Variants in TGM5 observed in about 807,000 individuals in gnomAD.
TGM5 encodes protein-glutamine gamma-glutamyltransferase 5.
In TGM5, 69 loss-of-function variants were observed where a neutral mutation model predicts 77.2. The ratio of observed to expected loss-of-function variants is 0.89; its 90% CI spans 0.74 to 1.09. The LOEUF (loss-of-function observed/expected upper bound fraction) is 1.09. Among genes scored for constraint, TGM5 ranks in the 50% least tolerant of loss-of-function variants. TGM5 has a pLI of 0.00. For missense variants in TGM5, 842 were observed against 896.5 expected, an observed-to-expected ratio of 0.94 and a Z score of 0.78; for synonymous variants, 346 against 351.8, an observed-to-expected ratio of 0.98 and a Z score of 0.18.
At chr15:43,262,837 TG>T (rs773514395) in intron 1 of TGM5, among the ~76,000 whole-genome samples, 1 of 152,222 alleles carries the variant, frequency 6.6e-6, no homozygotes, top group Non-Finnish European at 1.5e-5. Flanking sequence ...GAATGTCTCC[TG>T]TTGTCACATC....
At chr15:43,263,646 T>C (rs557498394) in intron 1 of TGM5, among the ~76,000 whole-genome samples, 3 of 152,118 alleles carry the variant, frequency 2.0e-5, no homozygotes, top group Non-Finnish European at 4.4e-5. Flanking sequence ...ACTCACACCA[T>C]TTATTAAAAA....
chr15:43,239,360 G>C, intron 7 of TGM5, 94 bp from the exon 8 acceptor site: 1 of 1,300,968 alleles, frequency 7.7e-7, no homozygotes, highest in Non-Finnish European at 1.1e-6. Flanking sequence ...TGGATAGAAA[G>C]ACAGACTTAG....
chr15:43,256,679 A>G lies in TGM5; in HGVS notation c.444T>C (p.Ala148=), dbSNP rs756106949. 1.2e-6 allele frequency: 2 copies of G among 1,611,572 alleles called. No homozygotes were observed. Among genetic ancestry groups the G allele is most frequent in the Non-Finnish European group, 1.7e-6 (2 of 1,177,720 alleles). ...TCTGGGGTTCACTGTCCAAGTAGACAGCATCCTCTAGGAACCAGAGTGGGA... is the reference window on the plus strand; with the variant it reads ...TCTGGGGTTCACTGTCCAAGTAGACGGCATCCTCTAGGAACCAGAGTGGGA... ...LLFNPWCPED[A]VYLDSEPQRQ... is the part of the protein sequence containing the mutation. Residue 148 remains alanine (A), a synonymous_variant, in exon 4 of 13, where the codon GCT becomes GCC. Coordinates refer to ENST00000220420, the MANE Select transcript of TGM5 (RefSeq NM_201631.4).
At chr15:43,253,070 A>G in intron 5 of TGM5, 134 bp from the exon 6 acceptor site, 1 of 969,032 alleles carries the variant, frequency 1.0e-6, no homozygotes, top group East Asian at 2.6e-5. Context: ...GTGGACTTCC[A>G]GACCTGCTGG....
intron 6 of TGM5, among the ~76,000 whole-genome samples, chr15:43,251,631 G>A (rs1039641867): frequency 1.3e-5 from 2 of 152,152 alleles, no homozygotes; most frequent in East Asian, 1.9e-4. Context: ...ATCAGAATGC[G>A]CAAGCCAAGA....
At chr15:43,263,380 G>A (rs1168544967) in intron 1 of TGM5, among the ~76,000 whole-genome samples, 2 of 152,210 alleles carry the variant, frequency 1.3e-5, no homozygotes, top group Non-Finnish European at 2.9e-5. Context: ...ATCCATACTA[G>A]CCAAACAGTA....
intron 6 of TGM5, among the ~76,000 whole-genome samples, chr15:43,241,851 G>A (rs1404396204): frequency 6.6e-6 from 1 of 151,890 alleles, no homozygotes; most frequent in Non-Finnish European, 1.5e-5. Flanking sequence ...TGTTGGCCAG[G>A]CTGGTCTCGA....
chr15:43,255,517 G>A (rs894448733), intron 4 of TGM5, among the ~76,000 whole-genome samples: 1 of 152,168 alleles, frequency 6.6e-6, no homozygotes, highest in Non-Finnish European at 1.5e-5. Flanking sequence ...GGGGCCAGTT[G>A]AGGCCGCTAT....
At chr15:43,262,361 G>A (rs2042795362) in intron 1 of TGM5, among the ~76,000 whole-genome samples, 1 of 152,176 alleles carries the variant, frequency 6.6e-6, no homozygotes, top group Non-Finnish European at 1.5e-5. Flanking sequence ...TTTGCCTCTA[G>A]ATATAAGCCA....
In TGM5 at chr15:43,234,795, A is replaced by C. The variant is rs1267417116; in HGVS notation, c.1849T>G (p.Leu617Val). The C allele has an allele frequency of 6.2e-7, 1 of 1,614,220 alleles. No individual in the cohort carries two copies. Among genetic ancestry groups the C allele is most frequent in the African/African-American group, 1.3e-5 (1 of 75,046 alleles). Residue 617 changes from leucine (L) to valine (V), a missense_variant, in exon 11 of 13, where the codon TTA (leucine) becomes GTA (valine). Physicochemically the swap from Leu to Val is conservative, Grantham distance 32 (BLOSUM62 1). This residue lies in a region of TGM5 where 815 missense variants were observed against 844.6 expected (regional missense o/e 0.96). Transcript: ENST00000220420. ...EKILVNKIIT[L>V]SYPSITINVL... ...TTAATCGTGATGCTTGGATAAGATA[A>C]GGTGATGATCTTGTTCACCAGGATT...
Position 43,239,047 on chromosome 15 carries a change from C to G in TGM5, c.1115G>C (p.Cys372Ser). 6.2e-7 allele frequency: 1 copy of G among 1,614,044 alleles called. No individual in the cohort carries two copies. The change falls in exon 9 of 13, where the codon TGC becomes TCC. Residue 372 changes from cysteine (C) to serine (S), a missense_variant. Coordinates refer to ENST00000220420, the MANE Select transcript of TGM5 (RefSeq NM_201631.4). ...TPQEMSNGVYCCGPASVRAIK... is the reference protein window; with the variant it reads ...TPQEMSNGVYSCGPASVRAIK... ...GGCTCTGACAGAGGCAGGGCCACAGCAGTAGACGCCTGAAGGAGAACAGGG... is the reference window on the plus strand; with the variant it reads ...GGCTCTGACAGAGGCAGGGCCACAGGAGTAGACGCCTGAAGGAGAACAGGG...
intron 3 of TGM5, among the ~76,000 whole-genome samples, chr15:43,258,597 T>C (rs964328794): frequency 2.0e-4 from 30 of 152,168 alleles, no homozygotes; most frequent in African/African-American, 7.2e-4. Flanking sequence ...TATTGAGGGT[T>C]TGGGCCAGTG....
At chr15:43,241,800 AT>A (rs576466713) in intron 6 of TGM5, among the ~76,000 whole-genome samples, 35 of 146,624 alleles carry the variant, frequency 2.4e-4, no homozygotes, top group South Asian at 6.5e-4. Context: ...CACCCGGCTA[AT>A]TTTTTTTTTT....
At chr15:43,242,657 G>T (rs1566830898) in intron 6 of TGM5, among the ~76,000 whole-genome samples, 1 of 152,228 alleles carries the variant, frequency 6.6e-6, no homozygotes, top group Admixed American at 6.5e-5. Flanking sequence ...GTGGGGACAG[G>T]CCTCTGGATG....
chr15:43,248,399 C>T (rs967015138), intron 6 of TGM5, among the ~76,000 whole-genome samples: 1 of 152,156 alleles, frequency 6.6e-6, no homozygotes, highest in African/African-American at 2.4e-5. Context: ...GTCTCGATCT[C>T]CTGACCTGGT....
Position 43,233,075 on chromosome 15 carries a change from C to T in TGM5, c.*116G>A, listed in dbSNP as rs2042557887. ...AATGAACACGTCATCCCCTCTGTGG[C>T]TCTTGCTGGAGCCCTGTGAAGCCTC... On this transcript the variant is annotated 3_prime_UTR_variant, in exon 13 of 13. Transcript: ENST00000220420. The T allele has an allele frequency of 3.9e-6, 5 of 1,297,238 alleles. No homozygotes were observed. Among genetic ancestry groups the T allele is most frequent in the Non-Finnish European group, 5.4e-6 (5 of 925,418 alleles). The allele number at this position is 1,297,238 out of a possible 1,614,324, so 80.4% of individuals were successfully genotyped here. A position where few individuals can be genotyped will look rare whatever the true frequency, so the allele number is the denominator to read the frequency against.
intron 6 of TGM5, among the ~76,000 whole-genome samples, chr15:43,250,289 C>G (rs537115009): frequency 6.6e-6 from 1 of 152,332 alleles, no homozygotes; most frequent in East Asian, 1.9e-4. Context: ...AGGCACTATT[C>G]TAAGCACTCT....
chr15:43,259,801 G>A (rs1023371390), intron 3 of TGM5, among the ~76,000 whole-genome samples: 2 of 152,112 alleles, frequency 1.3e-5, no homozygotes, highest in African/African-American at 4.8e-5. Context: ...TGTTATTCAC[G>A]ATCAAACTTA....
rs373144727 is a variant in TGM5, at chr15:43,240,934, C to T, written c.919G>A (p.Asp307Asn). 84 of 1,614,056 alleles carry T rather than the reference C, an allele frequency of 5.2e-5. No individual in the cohort carries two copies. The highest frequency in any genetic ancestry group is 6.7e-5 in the East Asian group (3 of 44,888). The change falls in exon 7 of 13, where the codon GAT becomes AAT. Residue 307 changes from aspartate (D) to asparagine (N), a missense_variant. Around this residue, in one of 2 missense-constraint regions of TGM5, gnomAD observed 815 missense variants for 844.6 expected, o/e 0.96. Coordinates refer to ENST00000220420, the MANE Select transcript of TGM5 (RefSeq NM_201631.4). The part of the protein sequence containing the change: ...RVITNFDSGH[D>N]TDGNLIIDEY... The stretch of plus-strand genomic sequence containing the variant: ...TCTATGATCAGGTTTCCATCTGTAT[C>T]GTGGCCAGAGTCGAAGTTGGTGATC...
Sources: allele counts gnomAD v4.1 joint callset (sites outside exome capture counted in the v4.1 genomes callset), GRCh38; gene constraint gnomAD v4.1.1; regional missense constraint gnomAD v4.1.1; transcripts MANE v1.5; gene names NCBI Gene and HGNC (gene_info 2026-07-23, HGNC 2026-07-21).